GNGT1: variants seen among roughly 807,000 people sequenced by gnomAD.
GNGT1 encodes the protein G protein subunit gamma transducin 1, also known as guanine nucleotide-binding protein G(T) subunit gamma-T1.
A neutral mutation model predicts 7.4 loss-of-function variants in GNGT1; 4 were observed. The ratio of observed to expected loss-of-function variants is 0.54; its 90% confidence interval spans 0.27 to 1.24. GNGT1 has a LOEUF of 1.24. GNGT1 is among the 50% of genes most tolerant of loss of function. The probability of loss-of-function intolerance (pLI) is 0.12; values close to 1 mark genes in which losing one functional copy is unlikely to be tolerated. For synonymous variants in GNGT1, 37 were observed against 30.2 expected, an observed-to-expected ratio of 1.23 and a Z score of -0.74; for missense variants, 95 against 82.4, an observed-to-expected ratio of 1.15 and a Z score of -0.59.
chr7:93,907,847 A>G lies in GNGT1; in HGVS notation c.96+1005A>G, dbSNP rs189161133. The stretch of plus-strand genomic sequence containing the variant: ...CTCAAACTCCCCTGTTGCCCTTTCC[A>G]TACAGGCAAAACGTTTTGCTGTAAA... On this transcript the variant is annotated intron_variant, in intron 2 of 2. Coordinates refer to ENST00000248572, the MANE Select transcript of GNGT1 (RefSeq NM_021955.5). Among the ~76,000 whole-genome samples the G allele has an allele frequency of 2.3e-4, 35 of 152,308 alleles. No homozygotes were observed. The East Asian group carries it at 5.0e-3, about 22-fold the overall frequency.
At chr7:93,909,225 G>C (rs1327096853) in intron 2 of GNGT1, among the ~76,000 whole-genome samples, 1 of 152,090 alleles carries the variant, frequency 6.6e-6, no homozygotes, top group Non-Finnish European at 1.5e-5. Context: ...GTTACTATTT[G>C]ATTGTGCATC....
At chr7:93,908,776 G>A (rs1001775273) in intron 2 of GNGT1, among the ~76,000 whole-genome samples, 1 of 151,898 alleles carries the variant, frequency 6.6e-6, no homozygotes, top group Non-Finnish European at 1.5e-5. Context: ...TGGGTAAGTG[G>A]TTAAGTGGAT....
At chr7:93,909,457 T>A in intron 2 of GNGT1, 1 of 701,734 alleles carries the variant, frequency 1.4e-6, no homozygotes, top group Non-Finnish European at 2.6e-6. Flanking sequence ...GGTAATTTGT[T>A]GCTCCTTTCA....
chr7:93,910,602 T>C, intron 2 of GNGT1, 188 bp from the exon 3 acceptor site: 1 of 300,682 alleles, frequency 3.3e-6, no homozygotes, highest in Non-Finnish European at 6.3e-6. Context: ...TGTCTGGAGA[T>C]ATATCCAGAA....
rs1055030712 is a variant in GNGT1 at position 93,906,627 on chromosome 7, C to T, written c.-29C>T. 1.5e-6 allele frequency: 1 copy of T among 682,372 alleles called. No homozygotes were observed. Among genetic ancestry groups the T allele is most frequent in the Non-Finnish European group, 2.6e-6 (1 of 386,028 alleles). 42.3% of individuals were successfully genotyped at this position (682,372 alleles called of 1,614,324 possible). ...TTATCGTGGGATATTTAAAATAAAA[C>T]AAAGAACAGTTTACTTTGTAAGTTA... On this transcript the variant is annotated 5_prime_UTR_variant, in exon 1 of 3. Coordinates refer to ENST00000248572, the MANE Select transcript of GNGT1 (RefSeq NM_021955.5).
At chr7:93,906,900 A>G (rs2115889826) in intron 2 of GNGT1, 58 bp downstream of exon 2, 1 of 939,720 alleles carries the variant, frequency 1.1e-6, no homozygotes, top group Non-Finnish European at 1.6e-6. Flanking sequence ...TGGGAGTACC[A>G]GGTTAGAAAA....
At chr7:93,910,762 G>A (rs755164647) in intron 2 of GNGT1, 28 bp from the exon 3 acceptor site, 10 of 1,546,060 alleles carry the variant, frequency 6.5e-6, no homozygotes, top group Non-Finnish European at 8.8e-6. Context: ...TAAACCAAAT[G>A]AGTCATCCCT....
chr7:93,906,941 A>G, intron 2 of GNGT1, 99 bp downstream of exon 2: 1 of 604,274 alleles, frequency 1.7e-6, no homozygotes, highest in Non-Finnish European at 2.9e-6. Flanking sequence ...TGTAGTTACA[A>G]ATAAATTGTT....
intron 2 of GNGT1, among the ~76,000 whole-genome samples, 159 bp downstream of exon 2, chr7:93,907,001 A>G (rs993125548): frequency 7.2e-6 from 1 of 139,044 alleles, no homozygotes; most frequent in Non-Finnish European, 1.7e-5. Flanking sequence ...AATCATAACT[A>G]TCTCTTGATT....
intron 2 of GNGT1, chr7:93,910,343 A>G (rs972207818): frequency 6.6e-6 from 1 of 152,556 alleles, no homozygotes; most frequent in African/African-American, 2.4e-5. Flanking sequence ...GTAAAGAAAA[A>G]TTACATGTGT....
rs1794380405 is a variant in GNGT1, at chr7:93,906,785, C to A, written c.39C>A (p.Asp13Glu). Reference protein sequence around the residue: ...VINIEDLTEKDKLKMEVDQLK... With the variant: ...VINIEDLTEKEKLKMEVDQLK... The stretch of plus-strand genomic sequence containing the variant: ...ATATTGAGGACCTGACAGAAAAGGA[C>A]AAATTGAAGATGGAAGTTGACCAGC... Residue 13 changes from aspartate (D) to glutamate (E), a missense_variant, in exon 2 of 3, where the codon GAC (aspartate) becomes GAA (glutamate). Coordinates refer to ENST00000248572, the MANE Select transcript of GNGT1 (RefSeq NM_021955.5). 2 of 1,605,898 alleles carry A rather than the reference C, an allele frequency of 1.2e-6. No homozygotes were observed. Among genetic ancestry groups the A allele is most frequent in the African/African-American group, 1.3e-5 (1 of 74,310 alleles).
rs1021876139 is a variant in GNGT1, at chr7:93,911,055, A to G, written c.*137A>G. On this transcript the variant is annotated 3_prime_UTR_variant, in exon 3 of 3. Coordinates refer to ENST00000248572, the MANE Select transcript of GNGT1 (RefSeq NM_021955.5). ...TTAAATTTATAGATGTAAACTTTTA[A>G]TAAAAATTGGGGTGTGGTAACCCAT... 12 of 514,090 alleles carry G rather than the reference A, an allele frequency of 2.3e-5. No homozygotes were observed. In the African/African-American group the frequency reaches 2.3e-4, roughly 10 times the overall value. 31.8% of individuals were successfully genotyped at this position (514,090 alleles called of 1,614,324 possible). A position where few individuals can be genotyped will look rare whatever the true frequency, so the allele number is the denominator to read the frequency against.
intron 2 of GNGT1, chr7:93,909,369 A>G: frequency 1.8e-6 from 1 of 556,506 alleles, no homozygotes; most frequent in East Asian, 2.9e-5. Flanking sequence ...AGAGTCTTGC[A>G]ATCCTATGTT....
intron 2 of GNGT1, chr7:93,909,883 T>G (rs1227120149): frequency 5.7e-6 from 1 of 174,576 alleles, no homozygotes; most frequent in Non-Finnish European, 1.2e-5. Flanking sequence ...AAATGACTTA[T>G]GGAATGGCCA....
intron 2 of GNGT1, among the ~76,000 whole-genome samples, chr7:93,908,947 A>C (rs1794418655): frequency 6.6e-6 from 1 of 152,182 alleles, no homozygotes; most frequent in Admixed American, 6.5e-5. Flanking sequence ...CATTTAATTC[A>C]GAGGATAATT....
chr7:93,907,806 CTA>C (rs1379770133), intron 2 of GNGT1, among the ~76,000 whole-genome samples: 1 of 152,110 alleles, frequency 6.6e-6, no homozygotes, highest in Non-Finnish European at 1.5e-5. Flanking sequence ...TGGGCTTCGT[CTA>C]TGTTTATAAT....
chr7:93,909,455 G>T (rs903195797), intron 2 of GNGT1: 3 of 701,332 alleles, frequency 4.3e-6, no homozygotes, highest in Non-Finnish European at 7.8e-6. Context: ...TAGGTAATTT[G>T]TTGCTCCTTT....
In GNGT1 at chr7:93,910,889, G is replaced by A. The variant is rs1794454674; in HGVS notation, c.196G>A (p.Glu66Lys). 1 of 1,599,080 alleles carries A rather than the reference G, an allele frequency of 6.3e-7. No individual in the cohort carries two copies. The highest frequency in any genetic ancestry group is 1.1e-5 in the South Asian group (1 of 88,108). ...GIPEDKNPFK[E>K]LKGGCVIS ...CCCAGAGGACAAAAATCCCTTCAAG[G>A]AGCTCAAAGGAGGCTGTGTGATTTC... The change falls in exon 3 of 3, where the codon GAG becomes AAG. Residue 66 changes from glutamate (E) to lysine (K), a missense_variant. Transcript: ENST00000248572.
At chr7:93,909,353 A>G (rs1794425570) in intron 2 of GNGT1, 5 of 516,544 alleles carry the variant, frequency 9.7e-6, no homozygotes, top group Non-Finnish European at 3.4e-6. Context: ...TAGCTAGTAA[A>G]TGAGAAGAGT....
Sources: gnomAD v4.1 joint callset for allele counts (sites outside exome capture counted in the v4.1 genomes callset) on GRCh38, gnomAD v4.1.1 for gene constraint, MANE v1.5 for transcripts, NCBI Gene and HGNC (gene_info 2026-07-23, HGNC 2026-07-21) for gene names.